The following PRLR variants were observed in gnomAD, a reference collection of about 807,000 sequenced individuals.
PRLR encodes prolactin receptor.
A neutral mutation model predicts 40.2 loss-of-function variants in PRLR; 13 were observed. The observed-to-expected ratio is 0.32, with a 90% confidence interval of 0.21 to 0.51. PRLR has a LOEUF of 0.51. Among genes scored for constraint, PRLR ranks in the 20% least tolerant of loss-of-function variants. The probability of loss-of-function intolerance (pLI) is 0.97; values close to 1 mark genes in which losing one functional copy is unlikely to be tolerated. For synonymous variants in PRLR, 269 were observed against 278.7 expected (o/e 0.97, Z 0.35); for missense variants, 656 against 747.3 (o/e 0.88, Z 1.42).
intron 1 of PRLR, among the ~76,000 whole-genome samples, chr5:35,142,321 G>T (rs559259604): frequency 6.6e-6 from 1 of 152,146 alleles, no homozygotes; most frequent in Non-Finnish European, 1.5e-5. Flanking sequence ...AAGCATATCC[G>T]GGATTTTTGT....
chr5:35,051,579 C>T (rs1406941377), downstream of PRLR, among the ~76,000 whole-genome samples: 2 of 152,194 alleles, frequency 1.3e-5, no homozygotes, highest in Non-Finnish European at 2.9e-5. Flanking sequence ...AAGCTTAGGG[C>T]TCTCAGTTAC....
chr5:35,091,780 C>A (rs1464551751), intron 2 of PRLR, among the ~76,000 whole-genome samples: 2 of 152,228 alleles, frequency 1.3e-5, no homozygotes, highest in Middle Eastern at 3.2e-3. Flanking sequence ...ATGAATCCAG[C>A]CTCATTAGGT....
intron 2 of PRLR, among the ~76,000 whole-genome samples, chr5:35,103,968 T>G (rs1772059902): frequency 6.6e-6 from 1 of 152,096 alleles, no homozygotes; most frequent in African/African-American, 2.4e-5. Flanking sequence ...TTTAAAGCTG[T>G]GTAAGTGCAT....
At chr5:35,177,395 A>G (rs1376443832) in intron 1 of PRLR, among the ~76,000 whole-genome samples, 1 of 152,124 alleles carries the variant, frequency 6.6e-6, no homozygotes, top group Non-Finnish European at 1.5e-5. Flanking sequence ...CTGTGGATCC[A>G]TTACTACAAT....
intron 1 of PRLR, among the ~76,000 whole-genome samples, chr5:35,217,838 C>A (rs1468182683): frequency 6.6e-6 from 1 of 152,126 alleles, no homozygotes; most frequent in African/African-American, 2.4e-5. Flanking sequence ...CTCATTGAAT[C>A]AAACCCTGAG....
intron 1 of PRLR, among the ~76,000 whole-genome samples, chr5:35,158,717 G>T (rs1774583630): frequency 6.6e-6 from 1 of 152,056 alleles, no homozygotes; most frequent in Non-Finnish European, 1.5e-5. Context: ...TCTTTTTATG[G>T]AGACAGATGC....
intron 1 of PRLR, chr5:35,152,727 C>A (rs1774377042): frequency 6.6e-6 from 1 of 152,106 alleles, no homozygotes; most frequent in Non-Finnish European, 1.5e-5. Flanking sequence ...TTTTAGTTTG[C>A]AGAGAAGTCA....
At chr5:35,169,719 C>A (rs1774942398) in intron 1 of PRLR, among the ~76,000 whole-genome samples, 3 of 152,198 alleles carry the variant, frequency 2.0e-5, no homozygotes, top group Admixed American at 2.0e-4. Context: ...TAGCTTTTAT[C>A]TTGTTCCTTA....
intron 2 of PRLR, among the ~76,000 whole-genome samples, chr5:35,104,845 C>T (rs1006038599): frequency 2.6e-5 from 4 of 152,198 alleles, no homozygotes; most frequent in Admixed American, 6.5e-5. Context: ...CTTAAATGTA[C>T]CTGTCTGACA....
At chr5:35,156,078 A>G (rs1420134369) in intron 1 of PRLR, among the ~76,000 whole-genome samples, 6 of 151,792 alleles carry the variant, frequency 4.0e-5, no homozygotes, top group Non-Finnish European at 8.8e-5. Flanking sequence ...ATGTTACCAA[A>G]GAACAAAGTA....
intron 1 of PRLR, among the ~76,000 whole-genome samples, chr5:35,152,428 A>T (rs1458684331): frequency 1.4e-5 from 2 of 146,710 alleles, no homozygotes; most frequent in Non-Finnish European, 3.0e-5. Flanking sequence ...AGATATTGCC[A>T]TGTAGGTTGA....
chr5:35,076,409 A>G (rs962806247), intron 5 of PRLR, among the ~76,000 whole-genome samples: 1 of 152,228 alleles, frequency 6.6e-6, no homozygotes, highest in African/African-American at 2.4e-5. Context: ...CACAAGCATC[A>G]GTAGCCGATT....
At chr5:35,097,556 C>G (rs1185356313) in intron 2 of PRLR, among the ~76,000 whole-genome samples, 1 of 152,066 alleles carries the variant, frequency 6.6e-6, no homozygotes, top group African/African-American at 2.4e-5. Context: ...TGCAATGACC[C>G]TCCTTCAAGG....
At chr5:35,165,640 C>T (rs962913332) in intron 1 of PRLR, among the ~76,000 whole-genome samples, 5 of 152,052 alleles carry the variant, frequency 3.3e-5, no homozygotes, top group African/African-American at 4.8e-5. Flanking sequence ...TCTAGTGATT[C>T]GGGCTTATTT....
intron 1 of PRLR, among the ~76,000 whole-genome samples, chr5:35,214,986 G>T (rs1330069875): frequency 6.6e-6 from 1 of 152,100 alleles, no homozygotes; most frequent in Non-Finnish European, 1.5e-5. Flanking sequence ...GATGCCTGTG[G>T]TCACCAGTCA....
At chr5:35,090,781 T>C (rs961504315) in intron 2 of PRLR, among the ~76,000 whole-genome samples, 1 of 133,594 alleles carries the variant, frequency 7.5e-6, no homozygotes, top group Admixed American at 7.7e-5. Flanking sequence ...CCAGGTACCA[T>C]CAATTAGCTC....
At chr5:35,162,086 C>T (rs1246093373) in intron 1 of PRLR, among the ~76,000 whole-genome samples, 1 of 152,140 alleles carries the variant, frequency 6.6e-6, no homozygotes, top group Non-Finnish European at 1.5e-5. Context: ...CCAATGAGTC[C>T]TGTGCATCAA....
At chr5:35,083,430 C>T (rs549592891) in intron 5 of PRLR, among the ~76,000 whole-genome samples, 133 of 141,210 alleles carry the variant, frequency 9.4e-4, no homozygotes, top group African/African-American at 3.8e-3. Flanking sequence ...ATCTCTCTCT[C>T]TCTCTCTTCC....
intron 1 of PRLR, among the ~76,000 whole-genome samples, chr5:35,129,370 G>C (rs894825700): frequency 6.6e-6 from 1 of 152,198 alleles, no homozygotes; most frequent in African/African-American, 2.4e-5. Flanking sequence ...TCTAAATATT[G>C]AGGGAGTCTT....
Sources: gnomAD v4.1 joint callset for allele counts (sites outside exome capture counted in the v4.1 genomes callset) on GRCh38, gnomAD v4.1.1 for gene constraint, MANE v1.5 for transcripts, NCBI Gene and HGNC (gene_info 2026-07-23, HGNC 2026-07-21) for gene names.